Variants in HIVEP3 observed in about 807,000 individuals in gnomAD.
The protein encoded by HIVEP3 is transcription factor HIVEP3.
In HIVEP3, 49 loss-of-function variants were observed where a neutral mutation model predicts 152.8. That is an observed-to-expected ratio of 0.32 (90% CI 0.26 to 0.41). The LOEUF is 0.41. Among genes scored for constraint, HIVEP3 ranks in the 10% least tolerant of loss-of-function variants. The pLI is 1.00. For missense variants in HIVEP3, 2,790 were observed against 3,103.3 expected, an observed-to-expected ratio of 0.90 and a Z score of 2.40; for synonymous variants, 1,269 against 1,289.0, an observed-to-expected ratio of 0.98 and a Z score of 0.33.
chr1:41,595,074 G>A (rs1217917987), intron 3 of HIVEP3, among the ~76,000 whole-genome samples: 1 of 152,174 alleles, frequency 6.6e-6, no homozygotes, highest in Admixed American at 6.5e-5. Context: ...TAGAATTTGT[G>A]GGAAAGGGAC....
rs61775761 is a variant in HIVEP3 at position 41,918,109 on chromosome 1, C to G, written c.-801+304G>C. 6.8e-6 allele frequency among the ~76,000 whole-genome samples: 1 copy of G among 146,424 alleles called. No homozygotes were observed. Among genetic ancestry groups the G allele is most frequent in the Admixed American group, 7.7e-5 (1 of 13,004 alleles). ...CACGGCGCGCATAGGGTTACAGCCC[C>G]GCCGCCGCCGCCGCCGCCGCCGCCT... On this transcript the variant is annotated intron_variant, in intron 1 of 8. Coordinates refer to ENST00000372583, the MANE Select transcript of HIVEP3 (RefSeq NM_024503.5). The surrounding 1 kb of genome is among the most constrained non-coding windows in gnomAD (Gnocchi z 4.3).
At chr1:41,777,676 T>A (rs1648793715) in intron 1 of HIVEP3, among the ~76,000 whole-genome samples, 1 of 152,258 alleles carries the variant, frequency 6.6e-6, no homozygotes, top group Admixed American at 6.5e-5. Context: ...GTTCATCGGT[T>A]AGACCTCACC....
In HIVEP3 at chr1:41,643,059, G is replaced by A. The variant is rs986520719; in HGVS notation, c.-720-14112C>T. The stretch of plus-strand genomic sequence containing the variant: ...CCCATGAGCCCCTCTCCACCCTACC[G>A]CCACCGTCTTGGCCTAGGCTTCAGC... On this transcript the variant is annotated intron_variant, in intron 2 of 8. Transcript: ENST00000372583. Among the ~76,000 whole-genome samples, 9 of 152,108 alleles carry A rather than the reference G, an allele frequency of 5.9e-5. No homozygotes were observed. The East Asian group carries it at 1.2e-3, about 20-fold the overall frequency.
intron 1 of HIVEP3, among the ~76,000 whole-genome samples, chr1:41,897,981 G>GAGAGAGA (rs1644561129): frequency 1.4e-5 from 2 of 142,398 alleles, no homozygotes; most frequent in South Asian, 2.3e-4. Context: ...GAGAGAGAGA[G>GAGAGAGA]GTGCTGGGAG....
intron 1 of HIVEP3, among the ~76,000 whole-genome samples, chr1:41,752,566 A>T (rs1647183879): frequency 6.6e-6 from 1 of 152,248 alleles, no homozygotes; most frequent in Non-Finnish European, 1.5e-5. Flanking sequence ...CCAACACTCC[A>T]GGCCAGCAGT....
chr1:41,560,227 T>C (rs183965343), intron 5 of HIVEP3, among the ~76,000 whole-genome samples: 32 of 152,296 alleles, frequency 2.1e-4, no homozygotes, highest in Middle Eastern at 6.8e-3. Context: ...AGCACTATGA[T>C]TATTCTCATT....
intron 1 of HIVEP3, among the ~76,000 whole-genome samples, chr1:41,944,200 T>C (rs1043325006): frequency 3.9e-5 from 6 of 152,230 alleles, no homozygotes; most frequent in African/African-American, 1.4e-4. Context: ...AGAAGGATAG[T>C]ACCAGGTTGC....
intron 1 of HIVEP3, among the ~76,000 whole-genome samples, chr1:41,718,340 G>A (rs761937253): frequency 1.1e-4 from 17 of 152,218 alleles, no homozygotes; most frequent in South Asian, 2.1e-4. Flanking sequence ...TTGCTATGTC[G>A]TGGAATCTTT....
chr1:41,898,973 G>GGGCT (rs780742253), intron 1 of HIVEP3, among the ~76,000 whole-genome samples: 14 of 152,226 alleles, frequency 9.2e-5, no homozygotes, highest in Non-Finnish European at 1.9e-4. Flanking sequence ...TCAGCCCCAT[G>GGGCT]GGCTGGCATC....
intron 1 of HIVEP3, among the ~76,000 whole-genome samples, chr1:41,969,199 G>C (rs184641311): frequency 3.2e-4 from 49 of 152,186 alleles, no homozygotes; most frequent in African/African-American, 1.1e-3. Context: ...CTTAGAATTA[G>C]AGAAAACTAT....
chr1:41,533,724 C>T lies in HIVEP3; in HGVS notation c.5208-8814G>A, dbSNP rs4660545. On this transcript the variant is annotated intron_variant, in intron 5 of 8. Coordinates refer to ENST00000372583, the MANE Select transcript of HIVEP3 (RefSeq NM_024503.5). This position sits in a 1 kb window ranked among gnomAD's most constrained non-coding sequence, Gnocchi z 4.3. ...CCATGCCGACATGGCCCCTGCCAGC[C>T]TCCGACCTGCACTCTTCTCACCACA... Among the ~76,000 whole-genome samples the T allele has an allele frequency of 0.06, 9,055 of 151,916 alleles. 681 individuals are homozygous for T. The highest frequency in any genetic ancestry group is 0.31 in the East Asian group (1,559 of 5,048).
At chr1:41,700,567 C>T (rs879833419) in intron 2 of HIVEP3, among the ~76,000 whole-genome samples, 4 of 152,080 alleles carry the variant, frequency 2.6e-5, no homozygotes, top group Non-Finnish European at 5.9e-5. Flanking sequence ...CTGGGTTCAC[C>T]GAGTCCCACT....
intron 5 of HIVEP3, among the ~76,000 whole-genome samples, chr1:41,528,844 G>T (rs1178538401): frequency 2.9e-5 from 2 of 68,738 alleles, no homozygotes; most frequent in Non-Finnish European, 5.5e-5. Context: ...ACACACCCCT[G>T]CCCTTACACT....
chr1:41,948,354 G>A (rs762461636), intron 1 of HIVEP3, among the ~76,000 whole-genome samples: 5 of 152,124 alleles, frequency 3.3e-5, no homozygotes, highest in Admixed American at 6.5e-5. Context: ...CCATGCCCAC[G>A]CAGCAATATG....
At chr1:41,532,395 G>A (rs1643288788) in intron 5 of HIVEP3, among the ~76,000 whole-genome samples, 1 of 152,096 alleles carries the variant, frequency 6.6e-6, no homozygotes, top group African/African-American at 2.4e-5. Flanking sequence ...AGAGCCTGGA[G>A]TATTTGGTTG....
chr1:41,823,795 T>C (rs1202076554), intron 1 of HIVEP3, among the ~76,000 whole-genome samples: 3 of 152,180 alleles, frequency 2.0e-5, no homozygotes, highest in African/African-American at 7.2e-5. Context: ...TCCTTCCTTC[T>C]GGTGTCACTG....
At chr1:41,855,381 C>T (rs1423133223) in intron 1 of HIVEP3, among the ~76,000 whole-genome samples, 1 of 152,104 alleles carries the variant, frequency 6.6e-6, no homozygotes. Context: ...AGCTTCTGCA[C>T]AGCAAAAGAA....
intron 1 of HIVEP3, among the ~76,000 whole-genome samples, chr1:41,894,170 C>A (rs979567538): frequency 3.9e-5 from 6 of 152,116 alleles, no homozygotes; most frequent in African/African-American, 1.4e-4. Flanking sequence ...GTACCAGGCA[C>A]TATTCAAAGC....
chr1:42,005,307 T>C (rs960823086), intron 1 of HIVEP3, among the ~76,000 whole-genome samples: 1 of 152,122 alleles, frequency 6.6e-6, no homozygotes, highest in African/African-American at 2.4e-5. Context: ...GCCCAGCACA[T>C]AGTAGGTGTA....
Sources: gnomAD v4.1 joint callset for allele counts (sites outside exome capture counted in the v4.1 genomes callset) on GRCh38, gnomAD v4.1.1 for gene constraint, Gnocchi (gnomAD v3.1) non-coding constraint, MANE v1.5 for transcripts, NCBI Gene and HGNC (gene_info 2026-07-23, HGNC 2026-07-21) for gene names.